TUBGCP3: variants seen among roughly 807,000 people sequenced by gnomAD.
TUBGCP3 encodes gamma-tubulin complex component 3.
In TUBGCP3, 50 loss-of-function variants were observed where a neutral mutation model predicts 123.1. The ratio of observed to expected loss-of-function variants is 0.41; its 90% CI spans 0.32 to 0.51. The LOEUF is 0.51. TUBGCP3 is among the 20% of genes least tolerant of loss of function. The pLI, the probability that TUBGCP3 is intolerant of heterozygous loss-of-function variation, is 0.36. For synonymous variants in TUBGCP3, 405 were observed against 413.9 expected, an observed-to-expected ratio of 0.98 and a Z score of 0.26; for missense variants, 882 against 1,127.0, an observed-to-expected ratio of 0.78 and a Z score of 3.11.
rs564327563 is a variant in TUBGCP3 at position 112,586,369 on chromosome 13, C to A, written c.76+1536G>T. 1.6e-4 allele frequency among the ~76,000 whole-genome samples: 24 copies of A among 152,160 alleles called. No homozygotes were observed. The South Asian group carries it at 2.5e-3, about 16-fold the overall frequency. On this transcript the variant is annotated intron_variant, in intron 1 of 21. Coordinates refer to ENST00000261965, the MANE Select transcript of TUBGCP3 (RefSeq NM_006322.6). ...ATCCCTAGAAAAAAAAACTCTGGAACCACTGGTATAAGGAAAACACTGACA... is the reference window on the plus strand; with the variant it reads ...ATCCCTAGAAAAAAAAACTCTGGAAACACTGGTATAAGGAAAACACTGACA...
intron 1 of TUBGCP3, among the ~76,000 whole-genome samples, chr13:112,578,251 T>C (rs1349784659): frequency 1.3e-5 from 2 of 152,074 alleles, no homozygotes; most frequent in Non-Finnish European, 2.9e-5. Flanking sequence ...GGATCGATTG[T>C]ATCTTGAGTT....
At chr13:112,596,743 C>G in the TUBGCP3 span, among the ~76,000 whole-genome samples, 3 of 152,156 alleles carry the variant, frequency 2.0e-5, no homozygotes, top group Admixed American at 1.3e-4. Flanking sequence ...GTTATAGTCC[C>G]ATGGGTCTCT....
intron 10 of TUBGCP3, 62 bp downstream of exon 10, chr13:112,547,558 A>G (rs1254535312): frequency 1.5e-6 from 2 of 1,340,858 alleles, no homozygotes; most frequent in Non-Finnish European, 9.8e-7. Flanking sequence ...CGCGCGTGGG[A>G]AAGTCGCGCG....
In TUBGCP3 at chr13:112,486,887, G is replaced by A. The variant is rs1028610353; in HGVS notation, c.2566-736C>T. On this transcript the variant is annotated intron_variant, in intron 21 of 21. Coordinates refer to ENST00000261965, the MANE Select transcript of TUBGCP3 (RefSeq NM_006322.6). ...GCCTCATCTGCAGAGAAAACTCACTGAGGCACTGCGTCCTCACCAAGCCCC... is the reference window on the plus strand; with the variant it reads ...GCCTCATCTGCAGAGAAAACTCACTAAGGCACTGCGTCCTCACCAAGCCCC... Among the ~76,000 whole-genome samples the A allele has an allele frequency of 2.6e-5, 4 of 152,220 alleles. 1 individual carries two copies. The highest frequency in any genetic ancestry group is 6.5e-5 in the Admixed American group (1 of 15,286).
chr13:112,552,053 C>A (rs1474524828), intron 8 of TUBGCP3, among the ~76,000 whole-genome samples: 4 of 152,160 alleles, frequency 2.6e-5, no homozygotes, highest in Admixed American at 2.0e-4. Context: ...AGAGCTCAGG[C>A]GGTCATGCCT....
rs542735869 is a variant in TUBGCP3 at position 112,545,382 on chromosome 13, T to C, written c.1335+317A>G. ...CATGGCAAAGCAGCAGAATCTGCGATGATGACTGCCCCAAGACTCAGGAGG... is the reference window on the plus strand; with the variant it reads ...CATGGCAAAGCAGCAGAATCTGCGACGATGACTGCCCCAAGACTCAGGAGG... On this transcript the variant is annotated intron_variant, in intron 11 of 21. Coordinates refer to ENST00000261965, the MANE Select transcript of TUBGCP3 (RefSeq NM_006322.6). The surrounding 1 kb of genome is among the most constrained non-coding windows in gnomAD (Gnocchi z 4.1). 92 of 289,060 alleles carry C rather than the reference T, an allele frequency of 3.2e-4. 1 individual carries two copies. The South Asian group carries it at 5.9e-3, about 19-fold the overall frequency. 17.9% of individuals were successfully genotyped at this position (289,060 alleles called of 1,614,324 possible).
chr13:112,587,566 A>G (rs557518387), intron 1 of TUBGCP3, among the ~76,000 whole-genome samples: 30 of 152,208 alleles, frequency 2.0e-4, no homozygotes, highest in Non-Finnish European at 3.2e-4. Context: ...TCCCGTCCTC[A>G]CTGACGGACC....
At chr13:112,551,868 C>T (rs1369458155) in intron 8 of TUBGCP3, among the ~76,000 whole-genome samples, 31 of 142,460 alleles carry the variant, frequency 2.2e-4, no homozygotes, top group Admixed American at 2.0e-3. Context: ...ATTTTTTCCA[C>T]GGACCAGGGT....
rs72656134 is a variant in TUBGCP3 at position 112,485,292 on chromosome 13, G to A, written c.*701C>T. On this transcript the variant is annotated 3_prime_UTR_variant, in exon 22 of 22. Transcript: ENST00000261965. The stretch of plus-strand genomic sequence containing the variant: ...ACACGCTGCTTTAGCTGATGCATTC[G>A]CGGTATTTGGGTTGCACTGTATAAG... 756 of 152,520 alleles carry A rather than the reference G, an allele frequency of 5.0e-3. 6 individuals carry two copies. The highest frequency in any genetic ancestry group is 7.7e-3 in the Non-Finnish European group (525 of 67,994). The allele number at this position is 152,520 out of a possible 1,614,324, so 9.4% of individuals were successfully genotyped here.
At chr13:112,509,934 C>T (rs1214987384) in intron 17 of TUBGCP3, among the ~76,000 whole-genome samples, 1 of 152,156 alleles carries the variant, frequency 6.6e-6, no homozygotes, top group East Asian at 1.9e-4. Flanking sequence ...GATCTCTTTA[C>T]CCAGCACTCT....
rs918906253 is a variant in TUBGCP3, at chr13:112,489,721, G to A, written c.2449-24C>T. ...CCCTGAACAATCAAAAGTACCAAAT[G>A]TCAGTAAAATCACGATGGAAAACAG... is the stretch of plus-strand genomic sequence containing the variant. On this transcript the variant is annotated intron_variant, in intron 20 of 21. Coordinates refer to ENST00000261965, the MANE Select transcript of TUBGCP3 (RefSeq NM_006322.6). 2.5e-6 allele frequency: 4 copies of A among 1,584,756 alleles called. No homozygotes were observed. The African/African-American group carries it at 5.4e-5, about 21-fold the overall frequency.
At chr13:112,521,287 T>C (rs958405955) in intron 14 of TUBGCP3, among the ~76,000 whole-genome samples, 12 of 152,352 alleles carry the variant, frequency 7.9e-5, no homozygotes, top group Non-Finnish European at 1.2e-4. Context: ...CAGCTATGAC[T>C]AAGGCATGAG....
At chr13:112,547,919 C>G (rs1879206170) in intron 9 of TUBGCP3, among the ~76,000 whole-genome samples, 167 bp from the exon 10 acceptor site, 1 of 151,898 alleles carries the variant, frequency 6.6e-6, no homozygotes, top group East Asian at 1.9e-4. Context: ...CCGGTAGAAC[C>G]CCGAAAATTG....
At chr13:112,561,243 TC>T (rs1333556646) in intron 3 of TUBGCP3, among the ~76,000 whole-genome samples, 16 of 152,096 alleles carry the variant, frequency 1.1e-4, no homozygotes. Context: ...CAGGCATGTG[TC>T]CCCGGTGAGT....
chr13:112,499,009 T>C (rs1337490256), intron 20 of TUBGCP3, 36 bp downstream of exon 20: 6 of 1,614,112 alleles, frequency 3.7e-6, no homozygotes, highest in Non-Finnish European at 5.1e-6. Context: ...GAGTTCATTA[T>C]TCAAATAGAT....
intron 1 of TUBGCP3, among the ~76,000 whole-genome samples, chr13:112,570,854 C>A (rs1252701133): frequency 6.6e-6 from 1 of 152,208 alleles, no homozygotes; most frequent in African/African-American, 2.4e-5. Context: ...ATTCTAAATT[C>A]TTTGTTGTCA....
chr13:112,605,311 G>C, the TUBGCP3 span: 4 of 111,682 alleles, frequency 3.6e-5, no homozygotes, highest in African/African-American at 1.3e-4. Flanking sequence ...TGTCTTAAAT[G>C]ATAATGATAA....
upstream of TUBGCP3, among the ~76,000 whole-genome samples, chr13:112,591,728 C>T (rs1472918602): frequency 6.6e-6 from 1 of 152,212 alleles, no homozygotes; most frequent in African/African-American, 2.4e-5. Context: ...GCATCACTGG[C>T]CTATGAATGA....
rs1371875823 is a variant in TUBGCP3 at position 112,522,297 on chromosome 13, T to C, written c.1745+23A>G. On this transcript the variant is annotated intron_variant, in intron 14 of 21. Coordinates refer to ENST00000261965, the MANE Select transcript of TUBGCP3 (RefSeq NM_006322.6). ...TCATGTCAAATATATTACTTATTTA[T>C]AGAAATCAAAATAGTGCCTTACTTT... 2.0e-6 allele frequency: 3 copies of C among 1,500,388 alleles called. No individual in the cohort carries two copies. In the Admixed American group the frequency reaches 5.9e-5, roughly 30 times the overall value. 92.9% of individuals were successfully genotyped at this position (1,500,388 alleles called of 1,614,324 possible).
Sources: allele counts gnomAD v4.1 joint callset (sites outside exome capture counted in the v4.1 genomes callset), GRCh38; gene constraint gnomAD v4.1.1; non-coding constraint Gnocchi (gnomAD v3.1); transcripts MANE v1.5; gene names NCBI Gene and HGNC (gene_info 2026-07-23, HGNC 2026-07-21).